Variants in ZNF177 observed in about 807,000 individuals in gnomAD.
ZNF177 encodes zinc finger protein 177.
Under a neutral mutation model 19.4 loss-of-function variants are expected in ZNF177, and 17 were observed. That is an observed-to-expected ratio of 0.87 (90% CI 0.60 to 1.31). The LOEUF (loss-of-function observed/expected upper bound fraction) is 1.31. ZNF177 is among the 40% of genes most tolerant of loss of function. The pLI, the probability that ZNF177 is intolerant of heterozygous loss-of-function variation, is 0.00. For synonymous variants in ZNF177, 220 were observed against 188.7 expected, an observed-to-expected ratio of 1.17 and a Z score of -1.36; for missense variants, 633 against 561.8, an observed-to-expected ratio of 1.13 and a Z score of -1.28.
At position 9,379,523 on chromosome 19, in the gene ZNF177, G is replaced by GC. The variant is rs760727656; in HGVS notation, c.161-3dup. ...TCCCACATCCTTGCTTTCTGCGTGA[G>GC]CAGGGTATCAGCTCTGCAGACACAG... On this transcript the variant is annotated splice_polypyrimidine_tract_variant and splice_region_variant and intron_variant, in intron 3 of 5. Transcript: ENST00000589262. 1.1e-5 allele frequency: 18 copies of GC among 1,612,278 alleles called. No homozygotes were observed. The South Asian group carries it at 1.3e-4, about 12-fold the overall frequency.
chr19:9,382,061 C>G (rs183502998), exon 6 of ZNF177: 32 of 438,714 alleles, frequency 7.3e-5, no homozygotes, highest in Non-Finnish European at 9.5e-5. Flanking sequence ...TATGTAGATT[C>G]TGTGTGACAT....
chr19:9,377,298 TAA>T (rs2068123313), intron 1 of ZNF177, among the ~76,000 whole-genome samples: 1 of 152,170 alleles, frequency 6.6e-6, no homozygotes, highest in Non-Finnish European at 1.5e-5. Flanking sequence ...TGAATAGTAA[TAA>T]GTGACCACAT....
At chr19:9,381,673 G>A (rs199690899) in exon 6 of ZNF177, 2 of 1,614,102 alleles carry the variant, frequency 1.2e-6, no homozygotes, top group African/African-American at 2.7e-5. Flanking sequence ...AACTCACACT[G>A]GAGAGAAGCC....
Position 9,379,045 on chromosome 19 carries a change from C to A in ZNF177, c.117C>A (p.Tyr39Ter). Residue 39 changes from tyrosine (Y) to a stop codon, truncating the protein, a stop_gained, in exon 3 of 6, where the codon TAC becomes TAA. Coordinates refer to ENST00000589262, the Ensembl canonical transcript of ZNF177. LOFTEE classifies it high-confidence loss of function. ...TGGACCCTGCTCAAAAAAATCTATA[C>A]AAAGATGTGATGCTGGAGAACTTTA... 1 of 1,610,572 alleles carries A rather than the reference C, an allele frequency of 6.2e-7. No homozygotes were observed. Among genetic ancestry groups the A allele is most frequent in the Non-Finnish European group, 8.5e-7 (1 of 1,177,532 alleles).
intron 5 of ZNF177, among the ~76,000 whole-genome samples, chr19:9,380,408 T>C (rs2068177219): frequency 6.6e-6 from 1 of 152,236 alleles, no homozygotes; most frequent in Non-Finnish European, 1.5e-5. Flanking sequence ...CATAATTCAT[T>C]CATTCTTCAC....
At chr19:9,379,814 C>A in intron 4 of ZNF177, 195 bp downstream of exon 6, 1 of 564,436 alleles carries the variant, frequency 1.8e-6, no homozygotes, top group Middle Eastern at 4.6e-4. Context: ...GTAATGTCTC[C>A]ATGAATGCTT....
chr19:9,371,557 C>T (rs761483685), upstream of ZNF177: 5 of 152,080 alleles, frequency 3.3e-5, no homozygotes, highest in African/African-American at 4.8e-5. Context: ...TTTCTTCTGA[C>T]GTCCATTGTT....
intron 1 of ZNF177, among the ~76,000 whole-genome samples, chr19:9,377,222 C>T (rs974479838): frequency 2.0e-5 from 3 of 152,108 alleles, no homozygotes; most frequent in African/African-American, 4.8e-5. Context: ...AAACCTGCTG[C>T]ACTGCCAGTC....
At chr19:9,375,829 G>A (rs996950036), upstream of ZNF177, among the ~76,000 whole-genome samples, 8 of 151,908 alleles carry the variant, frequency 5.3e-5, no homozygotes, top group East Asian at 1.9e-4. Flanking sequence ...TTTCTGCTGC[G>A]ATCTTTATTA....
rs397970717 is a variant in ZNF177, at chr19:9,370,408, G to GT, written c.-304-1192dup. Among the ~76,000 whole-genome samples, 508 of 140,932 alleles carry GT rather than the reference G, an allele frequency of 3.6e-3. 2 individuals are homozygous for GT. The highest frequency in any genetic ancestry group is 0.02 in the South Asian group (87 of 4,398). The allele number at this position is 140,932 out of a possible 152,430, so 92.5% of individuals were successfully genotyped here. A position where few individuals can be genotyped will look rare whatever the true frequency, so the allele number is the denominator to read the frequency against. On this transcript the variant is annotated intron_variant, in intron 2 of 8. Transcript: ENST00000343499. Reference sequence around the variant, plus strand: ...TAAGTGTTATGTAAGTGGTTGGTTTGTTTTTTTTTTGTTTTTTTTTTAAGA... The same window carrying GT: ...TAAGTGTTATGTAAGTGGTTGGTTTGTTTTTTTTTTTGTTTTTTTTTTAAGA...
chr19:9,367,312 C>CAA (rs892758051), intron 2 of ZNF177, among the ~76,000 whole-genome samples: 1 of 142,730 alleles, frequency 7.0e-6, no homozygotes, highest in African/African-American at 2.6e-5. Flanking sequence ...AAGAGTGTCT[C>CAA]AAAAAAAAAA....
chr19:9,381,194 A>G (rs900887235), exon 6 of ZNF177: 1 of 1,614,204 alleles, frequency 6.2e-7, no homozygotes. Flanking sequence ...GAATGCAGTG[A>G]CTGTGGGAAA....
At chr19:9,381,735 A>C in exon 6 of ZNF177, 1 of 1,611,094 alleles carries the variant, frequency 6.2e-7, no homozygotes, top group Non-Finnish European at 8.5e-7. Context: ...CTAACCTTAT[A>C]ATGCACAAGC....
At chr19:9,379,403 G>T in intron 3 of ZNF177, 124 bp from the exon 6 acceptor site, 1 of 1,323,366 alleles carries the variant, frequency 7.6e-7, no homozygotes, top group Non-Finnish European at 1.0e-6. Context: ...TTGTTTTGTT[G>T]TTCCTAAAGC....
At position 9,380,915 on chromosome 19, in the gene ZNF177, T is replaced by G; in HGVS notation, c.584T>G (p.Leu195Ter). ...CAAGAGTCATCCCTCAGGAAACACT[T>G]AAGAACTCCCACAGGACAGAAGTTT... The change falls in exon 6 of 6, where the codon TTA becomes TGA. Residue 195 changes from leucine to a stop codon, truncating the protein, a stop_gained. Coordinates refer to ENST00000589262, the Ensembl canonical transcript of ZNF177. LOFTEE classifies it low-confidence loss of function (END_TRUNC). The G allele has an allele frequency of 6.5e-7, 1 of 1,536,242 alleles. No individual in the cohort carries two copies. The highest frequency in any genetic ancestry group is 8.7e-7 in the Non-Finnish European group (1 of 1,146,930).
intron 4 of ZNF177, 49 bp from the exon 7 acceptor site, chr19:9,380,006 TGA>T: frequency 1.3e-6 from 2 of 1,584,212 alleles, no homozygotes; most frequent in Non-Finnish European, 1.7e-6. Flanking sequence ...CCTTTTTCTT[TGA>T]TCCCAACCTT....
intron 2 of ZNF177, among the ~76,000 whole-genome samples, chr19:9,367,592 A>C (rs1471615674): frequency 2.0e-5 from 3 of 152,168 alleles, no homozygotes; most frequent in Non-Finnish European, 4.4e-5. Context: ...TTTCCTTAGA[A>C]TATCTGAATC....
At chr19:9,374,903 G>A (rs569889291), upstream of ZNF177, among the ~76,000 whole-genome samples, 1 of 152,176 alleles carries the variant, frequency 6.6e-6, no homozygotes, top group East Asian at 1.9e-4. Flanking sequence ...GGTGAGGATG[G>A]GCATCTTTGC....
exon 6 of ZNF177, chr19:9,381,287 A>G: frequency 6.2e-7 from 1 of 1,614,106 alleles, no homozygotes; most frequent in Non-Finnish European, 8.5e-7. Context: ...CACTGTGGAA[A>G]ATCCTTTAGC....
Sources: gnomAD v4.1 joint callset for allele counts (sites outside exome capture counted in the v4.1 genomes callset) on GRCh38, gnomAD v4.1.1 for gene constraint, MANE v1.5 for transcripts, NCBI Gene and HGNC (gene_info 2026-07-23, HGNC 2026-07-21) for gene names.